The following SV2B variants were observed in gnomAD, a reference collection of about 807,000 sequenced individuals.
SV2B encodes solute carrier family 22 member B2.
SV2B carries 41 observed loss-of-function variants against 73.9 expected under a neutral mutation model. The observed-to-expected ratio is 0.56, with a 90% CI of 0.43 to 0.72. The LOEUF (loss-of-function observed/expected upper bound fraction) is 0.72. Ranked by LOEUF, SV2B falls within the 30% of genes least tolerant of loss-of-function variation. The pLI, the probability that SV2B is intolerant of heterozygous loss-of-function variation, is 0.00. For synonymous variants in SV2B, 314 were observed against 314.2 expected (o/e 1.00, Z 0.01); for missense variants, 764 against 857.8 (o/e 0.89, Z 1.37).
At chr15:91,222,096 G>T (rs1287869268) in intron 1 of SV2B, among the ~76,000 whole-genome samples, 2 of 152,072 alleles carry the variant, frequency 1.3e-5, no homozygotes, top group African/African-American at 2.4e-5. Flanking sequence ...TTGTTTCTCT[G>T]AGCCCTTTCC....
rs1410178358 is a variant in SV2B, at chr15:91,118,581, T to G, written c.-392+18218T>G. 6.6e-6 allele frequency among the ~76,000 whole-genome samples: 1 copy of G among 152,160 alleles called. No homozygotes were observed. The highest frequency in any genetic ancestry group is 1.9e-4 in the East Asian group (1 of 5,194). ...GAGGAAATCTGCCTGGAGAAGAGGC[T>G]GGGTGTGTGGACAGCTGGAGGGTCT... On this transcript the variant is annotated intron_variant, in intron 1 of 12. Transcript: ENST00000394232. The surrounding 1 kb of genome is among the most constrained non-coding windows in gnomAD (Gnocchi z 4.7).
intron 1 of SV2B, among the ~76,000 whole-genome samples, chr15:91,119,551 C>A (rs569399030): frequency 6.6e-6 from 1 of 152,322 alleles, no homozygotes; most frequent in Non-Finnish European, 1.5e-5. Flanking sequence ...AGCCAGGTGG[C>A]TGGTTTCCTT....
intron 2 of SV2B, among the ~76,000 whole-genome samples, chr15:91,246,332 T>G (rs1218883569): frequency 6.6e-6 from 1 of 152,256 alleles, no homozygotes; most frequent in Non-Finnish European, 1.5e-5. Flanking sequence ...TCCAAGGTCC[T>G]AGACAATTTT....
At chr15:91,177,182 G>C (rs1202547284) in intron 1 of SV2B, among the ~76,000 whole-genome samples, 1 of 151,900 alleles carries the variant, frequency 6.6e-6, no homozygotes, top group Non-Finnish European at 1.5e-5. Flanking sequence ...ACTCAGGTTT[G>C]TCAAAGATCA....
chr15:91,266,780 C>G, intron 7 of SV2B, 88 bp downstream of exon 7: 1 of 1,125,254 alleles, frequency 8.9e-7, no homozygotes, highest in South Asian at 1.5e-5. Context: ...CCTGAACATC[C>G]CCACCAACCT....
At chr15:91,270,883 T>C (rs79829354) in intron 9 of SV2B, among the ~76,000 whole-genome samples, 3,895 of 58,568 alleles carry the variant, frequency 0.067, 347 homozygotes, top group African/African-American at 0.24. Context: ...ACGGTGAATC[T>C]TGTGGATGAT....
intron 1 of SV2B, among the ~76,000 whole-genome samples, chr15:91,164,458 CT>C (rs1330339585): frequency 6.6e-6 from 1 of 152,172 alleles, no homozygotes; most frequent in Non-Finnish European, 1.5e-5. Context: ...CCTTCTTATG[CT>C]TTGAATCTGT....
In SV2B at chr15:91,122,054, G is replaced by A. The variant is rs1318555170; in HGVS notation, c.-392+21691G>A. Among the ~76,000 whole-genome samples the A allele has an allele frequency of 1.3e-5, 2 of 152,146 alleles. No homozygotes were observed. Among genetic ancestry groups the A allele is most frequent in the Non-Finnish European group, 1.5e-5 (1 of 68,018 alleles). On this transcript the variant is annotated intron_variant, in intron 1 of 12. Coordinates refer to ENST00000394232, the MANE Select transcript of SV2B (RefSeq NM_001323032.3). This position sits in a 1 kb window ranked among gnomAD's most constrained non-coding sequence, Gnocchi z 4.3. ...CTCCCAAAGTGCTGGGATTACAGGC[G>A]TGAGCCACTGCGCCCGGCCCAATGG...
At chr15:91,158,720 TCTC>T (rs1477327540) in intron 1 of SV2B, among the ~76,000 whole-genome samples, 3,651 of 81,398 alleles carry the variant, frequency 0.045, 1,009 homozygotes, top group Non-Finnish European at 0.058. Context: ...TCTCCTCTCC[TCTC>T]CTCTCTTCTC....
chr15:91,130,223 C>G lies in SV2B; in HGVS notation c.-392+29860C>G, dbSNP rs954815908. ...GAGGAGAGTGAGAGGAGTGACACAG[C>G]TGAGGTTCTTAGGTTAGGGCAACTG... On this transcript the variant is annotated intron_variant, in intron 1 of 12. Coordinates refer to ENST00000394232, the MANE Select transcript of SV2B (RefSeq NM_001323032.3). The surrounding 1 kb of genome is among the most constrained non-coding windows in gnomAD (Gnocchi z 5.6). 1.2e-4 allele frequency among the ~76,000 whole-genome samples: 18 copies of G among 152,082 alleles called. No homozygotes were observed. Among genetic ancestry groups the G allele is most frequent in the African/African-American group, 4.1e-4 (17 of 41,406 alleles).
intron 1 of SV2B, among the ~76,000 whole-genome samples, chr15:91,147,965 C>CCTTTTTTT: frequency 2.5e-5 from 1 of 39,260 alleles, no homozygotes; most frequent in Non-Finnish European, 4.4e-5. Context: ...CCCCCCCCAA[C>CCTTTTTTT]TTTTTTTTTT....
At position 91,192,827 on chromosome 15, in the gene SV2B, C is replaced by T. The variant is rs536220907; in HGVS notation, c.-391-33046C>T. ...ACGATGCAGACCTTAGGGACTGACA[C>T]GTGACTCATAGCTTGAAACCAAGCT... is the stretch of plus-strand genomic sequence containing the variant. On this transcript the variant is annotated intron_variant, in intron 1 of 12. Coordinates refer to ENST00000394232, the MANE Select transcript of SV2B (RefSeq NM_001323032.3). 3.9e-5 allele frequency among the ~76,000 whole-genome samples: 6 copies of T among 152,334 alleles called. No homozygotes were observed. The East Asian group carries it at 7.7e-4, about 20-fold the overall frequency.
rs565710149 is a variant in SV2B at position 91,171,680 on chromosome 15, G to T, written c.-391-54193G>T. Among the ~76,000 whole-genome samples, 27 of 152,320 alleles carry T rather than the reference G, an allele frequency of 1.8e-4. No homozygotes were observed. In the South Asian group the frequency reaches 5.0e-3, roughly 28 times the overall value. On this transcript the variant is annotated intron_variant, in intron 1 of 12. Coordinates refer to ENST00000394232, the MANE Select transcript of SV2B (RefSeq NM_001323032.3). Reference sequence around the variant, plus strand: ...TCTCTCCTCGTGATTAGTGTGGATTGCTGTGGCTTTATTGATCGGCAACAA... The same window carrying T: ...TCTCTCCTCGTGATTAGTGTGGATTTCTGTGGCTTTATTGATCGGCAACAA...
At position 91,170,288 on chromosome 15, in the gene SV2B, AT is replaced by A. The variant is rs141011816; in HGVS notation, c.-391-55577del. On this transcript the variant is annotated intron_variant, in intron 1 of 12. Transcript: ENST00000394232. ...AGAGAGATATATGCGGATTTGTTGG[AT>A]TTTTTTTGTTTTTTTTGAGATGGAG... Among the ~76,000 whole-genome samples, 1,298 of 151,702 alleles carry A rather than the reference AT, an allele frequency of 8.6e-3. 35 individuals carry two copies. Among genetic ancestry groups the A allele is most frequent in the South Asian group, 0.068 (327 of 4,800 alleles).
chr15:91,260,488 C>A, intron 6 of SV2B, 79 bp downstream of exon 6: 1 of 1,128,512 alleles, frequency 8.9e-7, no homozygotes, highest in Non-Finnish European at 1.2e-6. Context: ...AATTTAAGCA[C>A]ATAACAGGAA....
intron 5 of SV2B, 106 bp from the exon 6 acceptor site, chr15:91,260,214 T>C: frequency 1.0e-6 from 1 of 964,816 alleles, no homozygotes; most frequent in Non-Finnish European, 1.5e-6. Context: ...CTGCTAGGAA[T>C]GCTCGTATCA....
chr15:91,114,377 C>T (rs2042121341), intron 1 of SV2B, among the ~76,000 whole-genome samples: 1 of 152,076 alleles, frequency 6.6e-6, no homozygotes, highest in Non-Finnish European at 1.5e-5. Context: ...GGGGAAACGT[C>T]CTATCTCTAA....
chr15:91,205,357 TAGGATAAC>T (rs1380222217), intron 1 of SV2B, among the ~76,000 whole-genome samples: 1 of 151,730 alleles, frequency 6.6e-6, no homozygotes, highest in Non-Finnish European at 1.5e-5. Flanking sequence ...AGGTGCTGAA[TAGGATAAC>T]ATTTCTTTTT....
rs1429688138 is a variant in SV2B, at chr15:91,130,683, C to T, written c.-392+30320C>T. 1.3e-5 allele frequency among the ~76,000 whole-genome samples: 2 copies of T among 152,112 alleles called. No homozygotes were observed. Among genetic ancestry groups the T allele is most frequent in the Admixed American group, 6.5e-5 (1 of 15,272 alleles). On this transcript the variant is annotated intron_variant, in intron 1 of 12. Coordinates refer to ENST00000394232, the MANE Select transcript of SV2B (RefSeq NM_001323032.3). This position sits in a 1 kb window ranked among gnomAD's most constrained non-coding sequence, Gnocchi z 5.6. ...GTGGCTTGTGAGTCTTGCAGACATA[C>T]TGCCTGCATGGAGGTGAGAAGAAGA... is the stretch of plus-strand genomic sequence containing the variant.
Sources: gnomAD v4.1 joint callset for allele counts (sites outside exome capture counted in the v4.1 genomes callset) on GRCh38, gnomAD v4.1.1 for gene constraint, Gnocchi (gnomAD v3.1) non-coding constraint, MANE v1.5 for transcripts, NCBI Gene and HGNC (gene_info 2026-07-23, HGNC 2026-07-21) for gene names.